RUFY2: variants seen among roughly 807,000 people sequenced by gnomAD.
RUFY2 encodes RUN and FYVE domain-containing protein 2.
A neutral mutation model predicts 94.4 loss-of-function variants in RUFY2; 49 were observed. The ratio of observed to expected loss-of-function variants is 0.52; its 90% CI spans 0.41 to 0.66. The LOEUF is 0.66. Ranked by LOEUF, RUFY2 falls within the 30% of genes least tolerant of loss-of-function variation. The probability of loss-of-function intolerance (pLI) is 0.00; values close to 1 mark genes in which losing one functional copy is unlikely to be tolerated. For missense variants in RUFY2, 541 were observed against 692.8 expected, an observed-to-expected ratio of 0.78 and a Z score of 2.46; for synonymous variants, 255 against 235.7, an observed-to-expected ratio of 1.08 and a Z score of -0.75.
chr10:68,407,179 G>A lies in RUFY2; in HGVS notation c.4+7C>T. ...CCTAGCGTTCGGTTTCGGCCCGCTC[G>A]CCTTACCCATGGCGGCGGCGGCTGC... On this transcript the variant is annotated splice_region_variant and intron_variant, in intron 1 of 17. Coordinates refer to ENST00000602465, the MANE Select transcript of RUFY2 (RefSeq NM_001330103.2). 3 of 1,440,936 alleles carry A rather than the reference G, an allele frequency of 2.1e-6. No homozygotes were observed. The highest frequency in any genetic ancestry group is 2.1e-4 in the Middle Eastern group (1 of 4,806). The allele number at this position is 1,440,936 out of a possible 1,614,324, so 89.3% of individuals were successfully genotyped here. A position where few individuals can be genotyped will look rare whatever the true frequency, so the allele number is the denominator to read the frequency against.
At chr10:68,384,887 G>C (rs912230220) in intron 8 of RUFY2, among the ~76,000 whole-genome samples, 1 of 152,110 alleles carries the variant, frequency 6.6e-6, no homozygotes, top group Non-Finnish European at 1.5e-5. Context: ...TAATGGTCCC[G>C]ATCAGGAGCC....
At chr10:68,366,450 A>C (rs1250179415) in intron 13 of RUFY2, among the ~76,000 whole-genome samples, 1 of 151,576 alleles carries the variant, frequency 6.6e-6, no homozygotes, top group Non-Finnish European at 1.5e-5. Flanking sequence ...TAAACTTAGA[A>C]AAAATTTTCA....
chr10:68,385,966 G>T, intron 8 of RUFY2, 93 bp downstream of exon 8: 1 of 638,870 alleles, frequency 1.6e-6, no homozygotes, highest in Non-Finnish European at 2.7e-6. Context: ...GTGTGTGTTC[G>T]TGTGTGTGTG....
chr10:68,366,044 G>A (rs944381075), intron 13 of RUFY2, among the ~76,000 whole-genome samples: 1 of 152,118 alleles, frequency 6.6e-6, no homozygotes, highest in Non-Finnish European at 1.5e-5. Context: ...AAGGGAAGAT[G>A]TACTAAGTTT....
intron 16 of RUFY2, among the ~76,000 whole-genome samples, chr10:68,353,063 T>A (rs2046796795): frequency 6.6e-6 from 1 of 152,094 alleles, no homozygotes; most frequent in South Asian, 2.1e-4. Flanking sequence ...CTAGATGCAG[T>A]GGCTCACACC....
rs1464495056 is a variant in RUFY2, at chr10:68,344,529, A to T, written c.*1239T>A. Reference sequence around the variant, plus strand: ...AACTTGGATTAGTGTTCATTGAGTCAGCTTGAAATAGGTCAAGTGTACTGG... The same window carrying T: ...AACTTGGATTAGTGTTCATTGAGTCTGCTTGAAATAGGTCAAGTGTACTGG... On this transcript the variant is annotated 3_prime_UTR_variant, in exon 18 of 18. Coordinates refer to ENST00000602465, the MANE Select transcript of RUFY2 (RefSeq NM_001330103.2). The T allele has an allele frequency of 6.6e-6, 1 of 152,208 alleles. No individual in the cohort carries two copies. The highest frequency in any genetic ancestry group is 6.5e-5 in the Admixed American group (1 of 15,268). The allele number at this position is 152,208 out of a possible 1,614,324, so 9.4% of individuals were successfully genotyped here.
chr10:68,395,095 T>G (rs1216599852), intron 4 of RUFY2, among the ~76,000 whole-genome samples: 3 of 151,860 alleles, frequency 2.0e-5, no homozygotes, highest in Non-Finnish European at 4.4e-5. Context: ...CCCAGCACTT[T>G]GGGAGGCCAA....
chr10:68,372,907 C>CA (rs556331420), intron 13 of RUFY2, among the ~76,000 whole-genome samples: 5,915 of 131,744 alleles, frequency 0.045, 372 homozygotes, highest in African/African-American at 0.15. Context: ...GACCCTGTAT[C>CA]AAAAAAAAAA....
downstream of RUFY2, chr10:68,341,617 A>G (rs931520704): frequency 8.1e-6 from 13 of 1,612,482 alleles, no homozygotes; most frequent in East Asian, 4.5e-5. Flanking sequence ...CTTGAATTCT[A>G]CTCCTGGAGG....
chr10:68,391,276 G>A (rs553480920), intron 7 of RUFY2, among the ~76,000 whole-genome samples: 1 of 151,860 alleles, frequency 6.6e-6, no homozygotes, highest in South Asian at 2.1e-4. Context: ...GAATATTTGG[G>A]GAATACTGGG....
At chr10:68,351,514 A>G (rs1326280131) in intron 16 of RUFY2, among the ~76,000 whole-genome samples, 1 of 141,342 alleles carries the variant, frequency 7.1e-6, no homozygotes, top group East Asian at 2.1e-4. Context: ...CAGTGGTGCA[A>G]TCTCAGCTCA....
At chr10:68,380,855 C>A (rs566262851) in intron 11 of RUFY2, among the ~76,000 whole-genome samples, 11 of 151,832 alleles carry the variant, frequency 7.2e-5, no homozygotes, top group African/African-American at 2.7e-4. Flanking sequence ...GAGCGAGACT[C>A]CATCTCAAAA....
intron 7 of RUFY2, among the ~76,000 whole-genome samples, chr10:68,388,559 G>A (rs953144832): frequency 9.2e-5 from 14 of 151,996 alleles, no homozygotes; most frequent in Non-Finnish European, 1.6e-4. Context: ...ATGAAAGGCC[G>A]GGTGCAGTGG....
At chr10:68,358,852 AG>A (rs2047233112) in intron 15 of RUFY2, among the ~76,000 whole-genome samples, 1 of 151,934 alleles carries the variant, frequency 6.6e-6, no homozygotes, top group African/African-American at 2.4e-5. Context: ...CAGATGTTGC[AG>A]TGAGCCAAGA....
intron 3 of RUFY2, among the ~76,000 whole-genome samples, chr10:68,401,314 CTAATT>C (rs1261480961): frequency 6.6e-6 from 1 of 152,168 alleles, no homozygotes; most frequent in African/African-American, 2.4e-5. Context: ...TACAGGCAAA[CTAATT>C]TAACACTCAG....
At chr10:68,378,560 C>T in intron 12 of RUFY2, 1 of 1,577,954 alleles carries the variant, frequency 6.3e-7, no homozygotes, top group Non-Finnish European at 8.6e-7. Context: ...TACAAGTGGT[C>T]TTCAGAAAGA....
intron 16 of RUFY2, among the ~76,000 whole-genome samples, chr10:68,352,889 C>T (rs2046783668): frequency 6.6e-6 from 1 of 151,504 alleles, no homozygotes; most frequent in South Asian, 2.1e-4. Flanking sequence ...CACTACACTT[C>T]AGCCTGGGCA....
At chr10:68,353,829 A>C (rs1417171780) in intron 16 of RUFY2, among the ~76,000 whole-genome samples, 1 of 151,724 alleles carries the variant, frequency 6.6e-6, no homozygotes, top group Non-Finnish European at 1.5e-5. Flanking sequence ...AACATAAATA[A>C]AAAATATATA....
chr10:68,393,277 A>G, intron 6 of RUFY2, 74 bp from the exon 7 acceptor site: 1 of 700,558 alleles, frequency 1.4e-6, no homozygotes, highest in African/African-American at 1.8e-5. Flanking sequence ...TAAATCATCT[A>G]AAATTATTAT....
Sources: allele counts gnomAD v4.1 joint callset (sites outside exome capture counted in the v4.1 genomes callset), GRCh38; gene constraint gnomAD v4.1.1; transcripts MANE v1.5; gene names NCBI Gene and HGNC (gene_info 2026-07-23, HGNC 2026-07-21).